The following AFF3 variants were observed in gnomAD, a reference collection of about 807,000 sequenced individuals.
AFF3 encodes AF4/FMR2 family member 3.
A neutral mutation model predicts 129.7 loss-of-function variants in AFF3; 32 were observed. The observed-to-expected ratio is 0.25, with a 90% CI of 0.19 to 0.33. AFF3 has a LOEUF of 0.33. Among genes scored for constraint, AFF3 ranks in the 10% least tolerant of loss-of-function variants. AFF3 has a pLI of 1.00. For missense variants in AFF3, 1,373 were observed against 1,592.0 expected, an observed-to-expected ratio of 0.86 and a Z score of 2.34; for synonymous variants, 644 against 635.4, an observed-to-expected ratio of 1.01 and a Z score of -0.20.
At chr2:99,875,669 T>C (rs1163559033) in intron 7 of AFF3, among the ~76,000 whole-genome samples, 5 of 152,164 alleles carry the variant, frequency 3.3e-5, no homozygotes, top group Admixed American at 6.5e-5. Context: ...TATAGATGTG[T>C]TGATTGAATG....
intron 7 of AFF3, among the ~76,000 whole-genome samples, chr2:99,997,483 C>T (rs891276483): frequency 2.0e-5 from 3 of 151,782 alleles, no homozygotes; most frequent in Non-Finnish European, 4.4e-5. Flanking sequence ...TCACCCCCCC[C>T]CCAGATTAGC....
chr2:100,034,773 C>G (rs772059707), intron 4 of AFF3, among the ~76,000 whole-genome samples: 2 of 152,184 alleles, frequency 1.3e-5, no homozygotes, highest in East Asian at 3.8e-4. Flanking sequence ...CAACATAATA[C>G]ACAAGATCTA....
At chr2:99,766,308 C>T (rs1189712372) in intron 8 of AFF3, among the ~76,000 whole-genome samples, 2 of 152,234 alleles carry the variant, frequency 1.3e-5, no homozygotes, top group Non-Finnish European at 2.9e-5. Context: ...AAACCACTTC[C>T]AAATGAGCAG....
chr2:99,772,208 C>T (rs17351577), intron 8 of AFF3, among the ~76,000 whole-genome samples: 4,491 of 152,170 alleles, frequency 0.03, 84 homozygotes, highest in Non-Finnish European at 0.04. Context: ...CGATGAGCCC[C>T]GGGCGAGGTG....
chr2:99,696,193 T>C (rs1231844165), intron 11 of AFF3, among the ~76,000 whole-genome samples: 3 of 152,124 alleles, frequency 2.0e-5, no homozygotes, highest in African/African-American at 4.8e-5. Context: ...AGAAGTCAGT[T>C]TGACATAATA....
chr2:99,689,378 T>G (rs1185076354), intron 11 of AFF3, among the ~76,000 whole-genome samples: 4 of 152,180 alleles, frequency 2.6e-5, no homozygotes, highest in African/African-American at 9.7e-5. Flanking sequence ...CGGCCTGGGC[T>G]GCCCTTCCTG....
chr2:99,887,034 T>C (rs903015933), intron 7 of AFF3, among the ~76,000 whole-genome samples: 1 of 152,238 alleles, frequency 6.6e-6, no homozygotes, highest in Admixed American at 6.5e-5. Flanking sequence ...AAGGCTGAAC[T>C]AGCTCGCCTA....
intron 7 of AFF3, among the ~76,000 whole-genome samples, chr2:99,845,679 AT>A (rs1281542947): frequency 6.6e-6 from 1 of 152,098 alleles, no homozygotes; most frequent in African/African-American, 2.4e-5. Context: ...TACGTCGTTA[AT>A]TTTACCAAGA....
intron 18 of AFF3, among the ~76,000 whole-genome samples, chr2:99,571,302 TC>T (rs1392895312): frequency 1.3e-5 from 2 of 152,180 alleles, no homozygotes; most frequent in African/African-American, 4.8e-5. Flanking sequence ...ATTTTTTTTT[TC>T]TTGCCCTGTT....
At chr2:99,846,816 C>T (rs1203044948) in intron 7 of AFF3, among the ~76,000 whole-genome samples, 1 of 152,224 alleles carries the variant, frequency 6.6e-6, no homozygotes, top group Non-Finnish European at 1.5e-5. Context: ...AATCACCCTT[C>T]CTATGTCATG....
At chr2:100,008,423 G>A (rs533508837) in intron 5 of AFF3, among the ~76,000 whole-genome samples, 2 of 152,300 alleles carry the variant, frequency 1.3e-5, no homozygotes, top group Admixed American at 6.5e-5. Context: ...TAATCCTAGC[G>A]TGATCCATGT....
chr2:99,565,069 A>T lies in AFF3; in HGVS notation c.3119+418T>A, dbSNP rs562670898. ...AGTATAAGATGGCTTCTCCTTCCAT[A>T]AAATCCTCCTGAATGTTCTTCCATT... On this transcript the variant is annotated intron_variant, in intron 20 of 24. Transcript: ENST00000672756. Among the ~76,000 whole-genome samples the T allele has an allele frequency of 5.9e-5, 9 of 152,260 alleles. No individual in the cohort carries two copies. The South Asian group carries it at 1.9e-3, about 32-fold the overall frequency.
At chr2:99,902,465 T>A (rs1401208736) in intron 7 of AFF3, among the ~76,000 whole-genome samples, 3 of 152,134 alleles carry the variant, frequency 2.0e-5, no homozygotes, top group Non-Finnish European at 2.9e-5. Context: ...TCAACTGTCA[T>A]CTCAACTCAA....
At chr2:100,042,605 GA>G (rs200090060) in intron 4 of AFF3, among the ~76,000 whole-genome samples, 3,133 of 150,994 alleles carry the variant, frequency 0.021, 118 homozygotes, top group African/African-American at 0.072. Context: ...AAGAAACACA[GA>G]AAAAAAAATT....
At chr2:100,116,769 G>C (rs1469380364) in intron 2 of AFF3, among the ~76,000 whole-genome samples, 3 of 151,912 alleles carry the variant, frequency 2.0e-5, no homozygotes, top group African/African-American at 7.2e-5. Context: ...ATTCATTCCT[G>C]CACCTCTGGT....
At chr2:99,887,794 GGCA>G (rs1274721345) in intron 7 of AFF3, among the ~76,000 whole-genome samples, 10 of 152,254 alleles carry the variant, frequency 6.6e-5, no homozygotes, top group African/African-American at 2.4e-4. Flanking sequence ...AATCCTTTAT[GGCA>G]TCCCTATGGG....
intron 4 of AFF3, among the ~76,000 whole-genome samples, chr2:100,022,596 G>A (rs759438829): frequency 1.4e-4 from 21 of 152,156 alleles, no homozygotes; most frequent in Non-Finnish European, 2.8e-4. Context: ...ATTTTTAGTA[G>A]AGATGGGGTT....
At chr2:99,956,180 C>T (rs1676627683) in intron 7 of AFF3, among the ~76,000 whole-genome samples, 1 of 150,692 alleles carries the variant, frequency 6.6e-6, no homozygotes, top group African/African-American at 2.4e-5. Flanking sequence ...TCCAAAGATA[C>T]CCCTGGCACA....
At chr2:99,559,015 T>G in intron 21 of AFF3, 47 bp from the exon 22 acceptor site, 1 of 1,556,686 alleles carries the variant, frequency 6.4e-7, no homozygotes, top group African/African-American at 1.4e-5. Context: ...GAGTGCGTCG[T>G]GCGCAAACAA....
Sources: gnomAD v4.1 joint callset for allele counts (sites outside exome capture counted in the v4.1 genomes callset) on GRCh38, gnomAD v4.1.1 for gene constraint, MANE v1.5 for transcripts, NCBI Gene and HGNC (gene_info 2026-07-23, HGNC 2026-07-21) for gene names.